The following MICAL2 variants were observed in gnomAD, a reference collection of about 807,000 sequenced individuals.
The protein encoded by MICAL2 is [F-actin]-monooxygenase MICAL2.
Under a neutral mutation model 127.3 loss-of-function variants are expected in MICAL2, and 77 were observed. That is an observed-to-expected ratio of 0.60 (90% CI 0.50 to 0.73). The LOEUF (loss-of-function observed/expected upper bound fraction) is 0.73, where lower values mean the gene tolerates loss of function less well. MICAL2 is among the 30% of genes least tolerant of loss of function. The pLI is 0.00. For missense variants in MICAL2, 1,351 were observed against 1,434.4 expected (o/e 0.94, Z 0.94); for synonymous variants, 570 against 551.1 (o/e 1.03, Z -0.48).
intron 32 of MICAL2, among the ~76,000 whole-genome samples, chr11:12,344,941 AC>A (rs931075069): frequency 2.0e-5 from 2 of 100,376 alleles, no homozygotes; most frequent in Non-Finnish European, 2.5e-5. Context: ...CCCCGTCTGT[AC>A]TAAAAAAAAA....
At chr11:12,350,489 A>T (rs1253762665) in intron 33 of MICAL2, among the ~76,000 whole-genome samples, 1 of 152,200 alleles carries the variant, frequency 6.6e-6, no homozygotes, top group Non-Finnish European at 1.5e-5. Context: ...GAGGGAAAAA[A>T]GTAACATTTA....
downstream of MICAL2, among the ~76,000 whole-genome samples, chr11:12,290,801 G>T (rs903265480): frequency 6.6e-6 from 1 of 152,184 alleles, no homozygotes; most frequent in Non-Finnish European, 1.5e-5. Context: ...ACACACAGTC[G>T]CACATGTTCG....
At position 12,242,445 on chromosome 11, in the gene MICAL2, C is replaced by A. The variant is rs1565233482; in HGVS notation, c.2556+13C>A. 6.3e-7 allele frequency: 1 copy of A among 1,589,808 alleles called. No homozygotes were observed. The highest frequency in any genetic ancestry group is 1.7e-5 in the Admixed American group (1 of 57,932). ...AAAGATTCTCCAGGTGAGAGACTCA[C>A]TTTTTGCCCGTCTCTGTCCGTGTCT... On this transcript the variant is annotated intron_variant, in intron 19 of 27. Coordinates refer to ENST00000683283, the MANE Select transcript of MICAL2 (RefSeq NM_001282663.2).
chr11:12,298,247 G>A (rs1016804115), intron 29 of MICAL2, among the ~76,000 whole-genome samples: 1 of 151,798 alleles, frequency 6.6e-6, no homozygotes, highest in Non-Finnish European at 1.5e-5. Context: ...AGATATATTA[G>A]TTTTTGTTGC....
At chr11:12,339,183 A>G (rs1019929630) in intron 32 of MICAL2, among the ~76,000 whole-genome samples, 6 of 150,350 alleles carry the variant, frequency 4.0e-5, no homozygotes, top group African/African-American at 1.5e-4. Flanking sequence ...TAAACTTCTC[A>G]CTTCATTTCA....
chr11:12,143,600 GGGGT>G (rs1852571715), intron 2 of MICAL2, among the ~76,000 whole-genome samples: 1 of 152,152 alleles, frequency 6.6e-6, no homozygotes, highest in South Asian at 2.1e-4. Context: ...CAAAGTGAAT[GGGGT>G]GGGACGGGCC....
chr11:12,132,612 G>A (rs1377193483), intron 1 of MICAL2, among the ~76,000 whole-genome samples: 1 of 152,222 alleles, frequency 6.6e-6, no homozygotes, highest in Non-Finnish European at 1.5e-5. Flanking sequence ...CTGGGCGCTG[G>A]GCGGTGTGGC....
rs986949632 is a variant in MICAL2, at chr11:12,244,072, C to A, written c.2744C>A (p.Ser915Tyr). ...RLPSPDPAAS[S>Y]SPSTVDSASP... The stretch of plus-strand genomic sequence containing the variant: ...CCGTCTCCTGATCCAGCTGCTTCTT[C>A]CTCTCCATCAACTGTTGACTCTGCT... The change falls in exon 21 of 28, where the codon TCC becomes TAC. Residue 915 changes from serine to tyrosine, a missense_variant. Physicochemically the swap from Ser to Tyr is moderately radical, Grantham distance 144. Around this residue, in one of 2 missense-constraint regions of MICAL2, gnomAD observed 752 missense variants for 719.4 expected, o/e 1.05. Coordinates refer to ENST00000683283, the MANE Select transcript of MICAL2 (RefSeq NM_001282663.2). The A allele has an allele frequency of 3.7e-6, 6 of 1,614,146 alleles. No individual in the cohort carries two copies. In the African/African-American group the frequency reaches 8.0e-5, roughly 22 times the overall value.
At chr11:12,305,550 A>G (rs1864099524) in intron 29 of MICAL2, among the ~76,000 whole-genome samples, 1 of 152,218 alleles carries the variant, frequency 6.6e-6, no homozygotes, top group South Asian at 2.1e-4. Flanking sequence ...CTTATAAATT[A>G]CCACAGTAAG....
At chr11:12,261,415 C>A in intron 26 of MICAL2, 2 of 985,472 alleles carry the variant, frequency 2.0e-6, no homozygotes, top group Non-Finnish European at 2.4e-6. Flanking sequence ...TGCAGGTCCA[C>A]CTGTGTTCTT....
At chr11:12,209,093 G>T (rs1256711600) in intron 5 of MICAL2, among the ~76,000 whole-genome samples, 1 of 152,116 alleles carries the variant, frequency 6.6e-6, no homozygotes, top group Non-Finnish European at 1.5e-5. Context: ...ATTAAAAGTG[G>T]TTTCCTTACA....
At chr11:12,200,869 G>T (rs973923769) in intron 3 of MICAL2, among the ~76,000 whole-genome samples, 2 of 152,226 alleles carry the variant, frequency 1.3e-5, no homozygotes, top group East Asian at 1.9e-4. Context: ...GGTCGGGCCT[G>T]GTGGACAGAA....
At chr11:12,294,126 T>C (rs1230457385), downstream of MICAL2, 1 of 1,613,620 alleles carries the variant, frequency 6.2e-7, no homozygotes, top group Non-Finnish European at 8.5e-7. Flanking sequence ...CCCCTGCTGC[T>C]CCCTAGGGCA....
chr11:12,129,761 G>A (rs1283611009), intron 1 of MICAL2, among the ~76,000 whole-genome samples: 1 of 151,490 alleles, frequency 6.6e-6, no homozygotes, highest in African/African-American at 2.4e-5. Context: ...AGGCTGGAGA[G>A]CAGTGGTGGG....
chr11:12,162,145 A>G lies in MICAL2; in HGVS notation c.-11A>G, dbSNP rs758672378. On this transcript the variant is annotated 5_prime_UTR_variant, in exon 3 of 28. Coordinates refer to ENST00000683283, the MANE Select transcript of MICAL2 (RefSeq NM_001282663.2). ...CCTCGCCGCACCACTGCCGCACACG[A>G]CTCCTGAACCATGGGGGAAAACGAG... The G allele has an allele frequency of 8.7e-6, 14 of 1,613,798 alleles. No homozygotes were observed. Among genetic ancestry groups the G allele is most frequent in the Non-Finnish European group, 1.1e-5 (13 of 1,179,952 alleles).
At chr11:12,203,789 AGTT>A (rs1854321771) in intron 3 of MICAL2, among the ~76,000 whole-genome samples, 1 of 151,946 alleles carries the variant, frequency 6.6e-6, no homozygotes, top group South Asian at 2.1e-4. Context: ...TTTTTTCTTT[AGTT>A]GTTTGTGCTT....
At chr11:12,267,168 G>A (rs1046920377), downstream of MICAL2, among the ~76,000 whole-genome samples, 3 of 152,128 alleles carry the variant, frequency 2.0e-5, no homozygotes, top group South Asian at 2.1e-4. Flanking sequence ...ACCACCTGCC[G>A]GTGGACTTTG....
intron 30 of MICAL2, chr11:12,319,838 G>C: frequency 6.4e-7 from 1 of 1,552,792 alleles, no homozygotes; most frequent in Non-Finnish European, 8.9e-7. Flanking sequence ...AGCCAAAGAG[G>C]GCCTTGGCTG....
chr11:12,288,912 T>C (rs180749225), downstream of MICAL2, among the ~76,000 whole-genome samples: 1 of 152,354 alleles, frequency 6.6e-6, no homozygotes, highest in East Asian at 1.9e-4. Flanking sequence ...TTATTGTCTT[T>C]ACTTTGCCCA....
Sources: gnomAD v4.1 joint callset for allele counts (sites outside exome capture counted in the v4.1 genomes callset) on GRCh38, gnomAD v4.1.1 for gene constraint, gnomAD v4.1.1 regional missense constraint, MANE v1.5 for transcripts, NCBI Gene and HGNC (gene_info 2026-07-23, HGNC 2026-07-21) for gene names.